The following CFAP54 variants were observed in gnomAD, a reference collection of about 807,000 sequenced individuals.
The protein encoded by CFAP54 is cilia- and flagella-associated protein 54.
CFAP54 carries 290 observed loss-of-function variants against 370.4 expected under a neutral mutation model. The ratio of observed to expected loss-of-function variants is 0.78; its 90% CI spans 0.71 to 0.86. CFAP54 has a LOEUF of 0.86. Among genes scored for constraint, CFAP54 ranks in the 40% least tolerant of loss-of-function variants. The pLI, the probability that CFAP54 is intolerant of heterozygous loss-of-function variation, is 0.00. For synonymous variants in CFAP54, 1,206 were observed against 1,236.5 expected (o/e 0.98, Z 0.52); for missense variants, 3,399 against 3,528.7 (o/e 0.96, Z 0.93).
intron 50 of CFAP54, among the ~76,000 whole-genome samples, chr12:96,731,921 AC>A (rs1404532912): frequency 3.3e-5 from 5 of 152,218 alleles, no homozygotes; most frequent in African/African-American, 1.2e-4. Flanking sequence ...TCATTTTGAT[AC>A]TACATTGGTG....
chr12:96,622,726 T>C (rs1048988403), intron 27 of CFAP54, among the ~76,000 whole-genome samples: 1 of 152,206 alleles, frequency 6.6e-6, no homozygotes, highest in South Asian at 2.1e-4. Context: ...GAGACTCTCA[T>C]CCCTGACTCT....
At chr12:96,779,033 G>C (rs1286411673) in intron 60 of CFAP54, among the ~76,000 whole-genome samples, 1 of 148,048 alleles carries the variant, frequency 6.8e-6, no homozygotes, top group Non-Finnish European at 1.5e-5. Flanking sequence ...CTTGGACCCA[G>C]AAGGTAGAGG....
intron 38 of CFAP54, among the ~76,000 whole-genome samples, chr12:96,659,663 CA>C (rs1956969144): frequency 6.6e-6 from 1 of 152,180 alleles, no homozygotes; most frequent in South Asian, 2.1e-4. Context: ...TTGAATCAGG[CA>C]GAGAAAAGAG....
intron 22 of CFAP54, among the ~76,000 whole-genome samples, chr12:96,584,752 G>A (rs1956060444): frequency 6.6e-6 from 1 of 152,090 alleles, no homozygotes; most frequent in Admixed American, 6.5e-5. Flanking sequence ...TCAGCTTGGG[G>A]TAATGCAGCT....
At chr12:96,614,962 T>A (rs1956399344) in intron 26 of CFAP54, among the ~76,000 whole-genome samples, 1 of 152,190 alleles carries the variant, frequency 6.6e-6, no homozygotes. Flanking sequence ...TTCAATGCCA[T>A]CCCCATCAAG....
intron 48 of CFAP54, among the ~76,000 whole-genome samples, chr12:96,713,144 C>A (rs1957633572): frequency 6.6e-6 from 1 of 152,086 alleles, no homozygotes; most frequent in African/African-American, 2.4e-5. Context: ...CCTCAAAAAA[C>A]TGAAAGTAGA....
chr12:96,660,565 T>A (rs1264147124), intron 38 of CFAP54, among the ~76,000 whole-genome samples: 1 of 152,160 alleles, frequency 6.6e-6, no homozygotes, highest in Non-Finnish European at 1.5e-5. Context: ...GTAAGACAAG[T>A]CTATCTTATC....
rs146220985 is a variant in CFAP54 at position 96,565,759 on chromosome 12, A to G, written c.2619+994A>G. Among the ~76,000 whole-genome samples, 783 of 152,252 alleles carry G rather than the reference A, an allele frequency of 5.1e-3. 11 individuals carry two copies. The highest frequency in any genetic ancestry group is 0.018 in the African/African-American group (739 of 41,546). On this transcript the variant is annotated intron_variant, in intron 19 of 67. Transcript: ENST00000524981. ...TCTTTTGATACAGAAGGGAAGGAGG[A>G]ACAGACAGATGTAGATAAGAAAAGT... is the stretch of plus-strand genomic sequence containing the variant.
At chr12:96,738,202 G>A (rs73379291) in intron 50 of CFAP54, among the ~76,000 whole-genome samples, 2,321 of 152,288 alleles carry the variant, frequency 0.015, 59 homozygotes, top group African/African-American at 0.052. Context: ...GACTCACAGA[G>A]GGGAAGCCAT....
In CFAP54 at chr12:96,835,803, GGGAGTGTGGGGCTCCCACTAGCTCCAT is replaced by G. The variant is rs1318805631; in HGVS notation, c.9171+6724_9171+6750del. 2.0e-5 allele frequency among the ~76,000 whole-genome samples: 3 copies of G among 152,172 alleles called. No individual in the cohort carries two copies. In the East Asian group the frequency reaches 5.8e-4, roughly 29 times the overall value. ...GGTTTGGGCAGCTGCAGCTATCCCT[GGGAGTGTGGGGCTCCCACTAGCTCCAT>G]GGAGTGTGCAGCCCCAGCCATGCCT... On this transcript the variant is annotated intron_variant, in intron 66 of 67. Coordinates refer to ENST00000524981, the MANE Select transcript of CFAP54 (RefSeq NM_001306084.2).
chr12:96,724,015 G>C (rs1257962717), intron 50 of CFAP54, among the ~76,000 whole-genome samples: 1 of 151,790 alleles, frequency 6.6e-6, no homozygotes, highest in East Asian at 1.9e-4. Flanking sequence ...ATCTCATCAT[G>C]TTTATGGCTG....
chr12:96,805,662 T>G (rs190682282), intron 63 of CFAP54, among the ~76,000 whole-genome samples: 9 of 152,062 alleles, frequency 5.9e-5, no homozygotes, highest in Admixed American at 4.6e-4. Flanking sequence ...TAGTACAATC[T>G]TTATGGAAAA....
chr12:96,803,084 G>A (rs560678859), intron 63 of CFAP54, among the ~76,000 whole-genome samples: 4 of 152,234 alleles, frequency 2.6e-5, no homozygotes, highest in Admixed American at 1.3e-4. Context: ...TCATTGATGG[G>A]CATTTGGGTT....
rs1957324878 is a variant in CFAP54, at chr12:96,685,912, T to C, written c.6014+674T>C. ...AGTTGGTGAGGAAGCAGGAAAACAG[T>C]GTGGAGGCAGTCAGGCATGGGCCTC... On this transcript the variant is annotated intron_variant, in intron 42 of 67. Coordinates refer to ENST00000524981, the MANE Select transcript of CFAP54 (RefSeq NM_001306084.2). 2.0e-5 allele frequency among the ~76,000 whole-genome samples: 3 copies of C among 152,256 alleles called. No individual in the cohort carries two copies. The Middle Eastern group carries it at 0.01, about 518-fold the overall frequency.
chr12:96,502,266 A>G (rs902979009), intron 2 of CFAP54, among the ~76,000 whole-genome samples: 5 of 152,000 alleles, frequency 3.3e-5, no homozygotes, highest in Non-Finnish European at 7.4e-5. Flanking sequence ...ACTGAAGGGA[A>G]TGTTGGCCAG....
intron 58 of CFAP54, among the ~76,000 whole-genome samples, chr12:96,762,963 C>T (rs1056495556): frequency 6.6e-6 from 1 of 151,966 alleles, no homozygotes; most frequent in South Asian, 2.1e-4. Flanking sequence ...GTCTTCTAGC[C>T]AGAAGTAAAA....
chr12:96,779,406 G>T (rs1275515302), intron 60 of CFAP54, among the ~76,000 whole-genome samples: 1 of 151,962 alleles, frequency 6.6e-6, no homozygotes, highest in Non-Finnish European at 1.5e-5. Flanking sequence ...ACAATTTAGT[G>T]TTCATTCTAC....
intron 39 of CFAP54, among the ~76,000 whole-genome samples, chr12:96,669,988 G>T (rs1267093555): frequency 2.0e-5 from 3 of 152,186 alleles, no homozygotes. Context: ...TAACAAACAA[G>T]TGTCATTGCT....
chr12:96,854,797 T>A (rs1317637463), intron 66 of CFAP54, among the ~76,000 whole-genome samples: 2 of 152,216 alleles, frequency 1.3e-5, no homozygotes, highest in Non-Finnish European at 2.9e-5. Flanking sequence ...TATTATAATG[T>A]CTTTTTTTTA....
Sources: gnomAD v4.1 joint callset for allele counts (sites outside exome capture counted in the v4.1 genomes callset) on GRCh38, gnomAD v4.1.1 for gene constraint, MANE v1.5 for transcripts, NCBI Gene and HGNC (gene_info 2026-07-23, HGNC 2026-07-21) for gene names.